Variants in HS3ST4 observed in about 807,000 individuals in gnomAD.
The protein encoded by HS3ST4 is heparan sulfate-glucosamine 3-sulfotransferase 4, also known as heparan sulfate glucosamine 3-O-sulfotransferase 4.
Under a neutral mutation model 29.2 loss-of-function variants are expected in HS3ST4, and 17 were observed. The ratio of observed to expected loss-of-function variants is 0.58; its 90% confidence interval spans 0.40 to 0.87. The LOEUF (loss-of-function observed/expected upper bound fraction) is 0.87. Among genes scored for constraint, HS3ST4 ranks in the 40% least tolerant of loss-of-function variants. The pLI is 0.00. For missense variants in HS3ST4, 627 were observed against 634.5 expected (o/e 0.99, Z 0.13); for synonymous variants, 314 against 285.7 (o/e 1.10, Z -1.00).
intron 1 of HS3ST4, among the ~76,000 whole-genome samples, chr16:25,785,812 C>A (rs1966856928): frequency 6.6e-6 from 1 of 152,112 alleles, no homozygotes; most frequent in Non-Finnish European, 1.5e-5. Context: ...AAGTGAGTGA[C>A]ACAAGCCGGG....
chr16:26,071,608 C>T (rs1898604370), intron 1 of HS3ST4, among the ~76,000 whole-genome samples: 1 of 152,088 alleles, frequency 6.6e-6, no homozygotes, highest in South Asian at 2.1e-4. Flanking sequence ...AATAGAGTCG[C>T]ACTGTTTACA....
At position 26,136,025 on chromosome 16, in the gene HS3ST4, A is replaced by G. The variant is rs1567320713; in HGVS notation, c.1148A>G (p.Glu383Gly). Reference sequence around the variant, plus strand: ...CTAGGCCTCAAACGTGTTGTGACTGAGAAGCATTTCTATTTCAACAAAACC... The same window carrying G: ...CTAGGCCTCAAACGTGTTGTGACTGGGAAGCATTTCTATTTCAACAAAACC... ...DFLGLKRVVTEKHFYFNKTKG... is the reference protein window; with the variant it reads ...DFLGLKRVVTGKHFYFNKTKG... The change falls in exon 2 of 2, where the codon GAG becomes GGG. Residue 383 changes from glutamate to glycine, a missense_variant. By Grantham distance (98) the Glu-to-Gly change is moderately conservative (BLOSUM62 -2). Around this residue, in one of 2 missense-constraint regions of HS3ST4, gnomAD observed 225 missense variants for 293.7 expected, o/e 0.77. Coordinates refer to ENST00000331351, the MANE Select transcript of HS3ST4 (RefSeq NM_006040.3). 3 of 1,613,862 alleles carry G rather than the reference A, an allele frequency of 1.9e-6. No individual in the cohort carries two copies. Among genetic ancestry groups the G allele is most frequent in the Non-Finnish European group, 2.5e-6 (3 of 1,179,892 alleles).
chr16:25,811,150 G>T (rs1967037669), intron 1 of HS3ST4, among the ~76,000 whole-genome samples: 1 of 152,002 alleles, frequency 6.6e-6, no homozygotes, highest in African/African-American at 2.4e-5. Context: ...TAACAGCATG[G>T]GCTTGAAATG....
At chr16:25,799,496 T>C (rs1233189821) in intron 1 of HS3ST4, among the ~76,000 whole-genome samples, 1 of 152,222 alleles carries the variant, frequency 6.6e-6, no homozygotes, top group Non-Finnish European at 1.5e-5. Context: ...AATGTTTCAG[T>C]GTCTAACCTT....
intron 1 of HS3ST4, among the ~76,000 whole-genome samples, chr16:25,769,210 GT>G (rs1966839001): frequency 6.6e-6 from 1 of 152,154 alleles, no homozygotes; most frequent in African/African-American, 2.4e-5. Flanking sequence ...TTTGTTGGGG[GT>G]GGAAGGTGAA....
At chr16:26,126,302 T>C (rs1015522086) in intron 1 of HS3ST4, among the ~76,000 whole-genome samples, 4 of 152,156 alleles carry the variant, frequency 2.6e-5, no homozygotes, top group Admixed American at 2.0e-4. Flanking sequence ...TTAAGCAATC[T>C]CAGATATTTG....
intron 1 of HS3ST4, among the ~76,000 whole-genome samples, chr16:25,744,647 C>T (rs936132325): frequency 1.3e-5 from 2 of 152,180 alleles, no homozygotes; most frequent in African/African-American, 2.4e-5. Flanking sequence ...TATGGTTTGG[C>T]TGTGTCCCCA....
chr16:25,794,639 G>A (rs556939162), intron 1 of HS3ST4, among the ~76,000 whole-genome samples: 2 of 151,596 alleles, frequency 1.3e-5, no homozygotes, highest in African/African-American at 4.9e-5. Flanking sequence ...TTTTCCCCTG[G>A]ATGCTTTGAA....
At chr16:25,762,702 A>G (rs981030195) in intron 1 of HS3ST4, among the ~76,000 whole-genome samples, 3 of 151,540 alleles carry the variant, frequency 2.0e-5, no homozygotes, top group Non-Finnish European at 2.9e-5. Context: ...CCCTGTCCCT[A>G]CTAAAACAAA....
At chr16:25,764,495 C>T (rs1966806237) in intron 1 of HS3ST4, among the ~76,000 whole-genome samples, 1 of 152,098 alleles carries the variant, frequency 6.6e-6, no homozygotes, top group Non-Finnish European at 1.5e-5. Context: ...CAGTGTGCAC[C>T]CGCATGTGTA....
chr16:25,886,027 GTTTT>G (rs34713423), intron 1 of HS3ST4, among the ~76,000 whole-genome samples: 2 of 82,754 alleles, frequency 2.4e-5, no homozygotes, highest in African/African-American at 9.6e-5. Flanking sequence ...TCTTACTGTG[GTTTT>G]TTTTTTTTTT....
At chr16:25,875,858 T>A (rs1039125081) in intron 1 of HS3ST4, among the ~76,000 whole-genome samples, 11 of 152,138 alleles carry the variant, frequency 7.2e-5, no homozygotes, top group Non-Finnish European at 5.9e-5. Context: ...CAATAATTCT[T>A]GCCCCTGATT....
At chr16:26,043,982 T>C (rs1180082741) in intron 1 of HS3ST4, among the ~76,000 whole-genome samples, 1 of 152,218 alleles carries the variant, frequency 6.6e-6, no homozygotes, top group Non-Finnish European at 1.5e-5. Flanking sequence ...GGATCCTCCC[T>C]GAATCATTAC....
chr16:25,815,278 G>A (rs751317953), intron 1 of HS3ST4, among the ~76,000 whole-genome samples: 2 of 152,184 alleles, frequency 1.3e-5, no homozygotes, highest in Non-Finnish European at 2.9e-5. Context: ...GTGGGGCTGG[G>A]TGCAGGGTTT....
At chr16:25,845,799 A>G (rs953654021) in intron 1 of HS3ST4, among the ~76,000 whole-genome samples, 1 of 151,348 alleles carries the variant, frequency 6.6e-6, no homozygotes, top group African/African-American at 2.4e-5. Context: ...ATGCTATCTC[A>G]CTGTTTTATT....
intron 1 of HS3ST4, among the ~76,000 whole-genome samples, chr16:25,884,871 G>A (rs777839459): frequency 3.9e-5 from 6 of 152,094 alleles, no homozygotes; most frequent in South Asian, 4.1e-4. Flanking sequence ...CACTGCGCCC[G>A]GCCGAGGTTA....
chr16:25,945,460 T>A (rs1450122570), intron 1 of HS3ST4, among the ~76,000 whole-genome samples: 3 of 142,640 alleles, frequency 2.1e-5, no homozygotes, highest in African/African-American at 8.1e-5. Flanking sequence ...GAACTTCTCA[T>A]TATACACCTT....
chr16:26,083,383 T>G (rs1160258918), intron 1 of HS3ST4, among the ~76,000 whole-genome samples: 1 of 152,226 alleles, frequency 6.6e-6, no homozygotes, highest in African/African-American at 2.4e-5. Flanking sequence ...TTATATAGTT[T>G]CCCCTACTCA....
chr16:25,790,595 G>A (rs981223263), intron 1 of HS3ST4, among the ~76,000 whole-genome samples: 1 of 152,146 alleles, frequency 6.6e-6, no homozygotes, highest in Non-Finnish European at 1.5e-5. Flanking sequence ...TCCAGTGGTT[G>A]TAGTATATCA....
Sources: gnomAD v4.1 joint callset for allele counts (sites outside exome capture counted in the v4.1 genomes callset) on GRCh38, gnomAD v4.1.1 for gene constraint, gnomAD v4.1.1 regional missense constraint, MANE v1.5 for transcripts, NCBI Gene and HGNC (gene_info 2026-07-23, HGNC 2026-07-21) for gene names.